The following FHIT variants were observed in gnomAD, a reference collection of about 807,000 sequenced individuals.
FHIT encodes the protein bis(5'-adenosyl)-triphosphatase.
FHIT carries 19 observed loss-of-function variants against 17.9 expected under a neutral mutation model. That is an observed-to-expected ratio of 1.06 (90% CI 0.74 to 1.56). The LOEUF is 1.56. FHIT is among the 40% of genes most tolerant of loss of function. The pLI is 0.00. For missense variants in FHIT, 248 were observed against 189.2 expected (o/e 1.31, Z -1.82); for synonymous variants, 81 against 69.7 (o/e 1.16, Z -0.81).
intron 4 of FHIT, among the ~76,000 whole-genome samples, chr3:60,573,496 T>A (rs1391914214): frequency 3.9e-5 from 6 of 152,132 alleles, no homozygotes; most frequent in African/African-American, 1.2e-4. Flanking sequence ...AGGACTTTCA[T>A]CCCTTCCCAA....
intron 1 of FHIT, among the ~76,000 whole-genome samples, chr3:61,221,171 A>G (rs2039826650): frequency 6.6e-6 from 1 of 152,228 alleles, no homozygotes; most frequent in Admixed American, 6.5e-5. Context: ...TGCCACCCCA[A>G]CAGGACTGGA....
chr3:60,277,435 C>A (rs1707203129), intron 5 of FHIT, among the ~76,000 whole-genome samples: 1 of 152,130 alleles, frequency 6.6e-6, no homozygotes, highest in African/African-American at 2.4e-5. Flanking sequence ...AGCAGTTGTG[C>A]CAATAAGAAA....
At chr3:59,962,095 T>C (rs941780668) in intron 7 of FHIT, among the ~76,000 whole-genome samples, 23 of 152,194 alleles carry the variant, frequency 1.5e-4, no homozygotes, top group African/African-American at 7.2e-5. Flanking sequence ...AGATGTTCCA[T>C]TGGAAGACTT....
intron 3 of FHIT, among the ~76,000 whole-genome samples, chr3:60,873,964 T>A (rs1003063615): frequency 4.6e-5 from 7 of 152,138 alleles, no homozygotes; most frequent in African/African-American, 1.4e-4. Flanking sequence ...ATAGTAAAAA[T>A]AAAATATCAC....
rs1040452245 is a variant in FHIT, at chr3:60,267,520, A to G, written c.104-253368T>C. On this transcript the variant is annotated intron_variant, in intron 5 of 9. Transcript: ENST00000492590. Reference sequence around the variant, plus strand: ...GTAAAGTATTTAACTTTGTTCTCAAATAAGCAAAATTCCTCAAAAGATGCA... The same window carrying G: ...GTAAAGTATTTAACTTTGTTCTCAAGTAAGCAAAATTCCTCAAAAGATGCA... 2.0e-5 allele frequency among the ~76,000 whole-genome samples: 3 copies of G among 152,220 alleles called. No individual in the cohort carries two copies. The East Asian group carries it at 5.8e-4, about 29-fold the overall frequency.
At chr3:59,934,030 A>G (rs1706103502) in intron 7 of FHIT, among the ~76,000 whole-genome samples, 2 of 152,072 alleles carry the variant, frequency 1.3e-5, no homozygotes, top group African/African-American at 2.4e-5. Flanking sequence ...AAAAAACCTC[A>G]AGCATGCTAG....
intron 5 of FHIT, among the ~76,000 whole-genome samples, chr3:60,079,967 A>G (rs893420310): frequency 1.3e-5 from 2 of 152,170 alleles, no homozygotes; most frequent in African/African-American, 4.8e-5. Flanking sequence ...ATATGTTGTA[A>G]ATATTATAAA....
At chr3:61,051,311 T>C (rs6794099) in intron 2 of FHIT, among the ~76,000 whole-genome samples, 24,196 of 152,034 alleles carry the variant, frequency 0.16, 2,111 homozygotes, top group African/African-American at 0.2. Flanking sequence ...CAATCCCTCG[T>C]CCAGACTGGA....
intron 8 of FHIT, among the ~76,000 whole-genome samples, chr3:59,862,647 C>G (rs1702459174): frequency 6.6e-6 from 1 of 152,122 alleles, no homozygotes; most frequent in African/African-American, 2.4e-5. Context: ...CTAAAGCAAA[C>G]CCTGAAGACA....
At chr3:61,176,465 T>C (rs145714592) in intron 2 of FHIT, among the ~76,000 whole-genome samples, 78 of 152,360 alleles carry the variant, frequency 5.1e-4, no homozygotes, top group Non-Finnish European at 8.5e-4. Context: ...ATTTTTCTAA[T>C]GAATCTTTCA....
chr3:60,145,602 G>A lies in FHIT; in HGVS notation c.104-131450C>T, dbSNP rs80079059. On this transcript the variant is annotated intron_variant, in intron 5 of 9. Transcript: ENST00000492590. ...CAAATATTCATCATTTATCAGCAAC[G>A]GAAACAAACATAGGATTCACATGTG... 5.3e-5 allele frequency among the ~76,000 whole-genome samples: 8 copies of A among 152,182 alleles called. No individual in the cohort carries two copies. In the East Asian group the frequency reaches 7.7e-4, roughly 15 times the overall value.
At chr3:60,765,570 A>G (rs1263284992) in intron 4 of FHIT, 2 of 152,218 alleles carry the variant, frequency 1.3e-5, no homozygotes, top group Non-Finnish European at 2.9e-5. Context: ...GTACCTTGTC[A>G]CAGAGAGAAA....
At chr3:60,945,874 T>C (rs1708619493) in intron 3 of FHIT, among the ~76,000 whole-genome samples, 1 of 152,182 alleles carries the variant, frequency 6.6e-6, no homozygotes, top group South Asian at 2.1e-4. Flanking sequence ...TAAAATAGTT[T>C]TCTCAGAAAG....
chr3:60,708,852 T>A (rs2041442648), intron 4 of FHIT, among the ~76,000 whole-genome samples: 1 of 152,172 alleles, frequency 6.6e-6, no homozygotes, highest in African/African-American at 2.4e-5. Flanking sequence ...GCTGAACTTT[T>A]AATGTGCTAT....
At chr3:60,201,580 TAGAA>T (rs1362150253) in intron 5 of FHIT, among the ~76,000 whole-genome samples, 1 of 152,098 alleles carries the variant, frequency 6.6e-6, no homozygotes, top group African/African-American at 2.4e-5. Context: ...AAGGGCCATC[TAGAA>T]AGAAACAGAA....
At chr3:59,988,433 T>G (rs551441211) in intron 7 of FHIT, among the ~76,000 whole-genome samples, 4 of 152,266 alleles carry the variant, frequency 2.6e-5, no homozygotes, top group Admixed American at 1.3e-4. Context: ...AAACATTTTC[T>G]TTTTAAATAA....
At chr3:59,758,264 C>T (rs951665977) in intron 8 of FHIT, among the ~76,000 whole-genome samples, 1 of 152,214 alleles carries the variant, frequency 6.6e-6, no homozygotes, top group African/African-American at 2.4e-5. Context: ...AGCAAGGCAA[C>T]TTGTACCCAT....
chr3:61,214,789 C>T (rs1163455389), intron 1 of FHIT, among the ~76,000 whole-genome samples: 12 of 152,224 alleles, frequency 7.9e-5, no homozygotes, highest in Non-Finnish European at 1.5e-5. Context: ...TCCAGCAGCA[C>T]ATCACAAAGC....
In FHIT at chr3:60,152,745, AC is replaced by A. The variant is rs78245427; in HGVS notation, c.104-138594del. 2.5e-3 allele frequency among the ~76,000 whole-genome samples: 386 copies of A among 152,244 alleles called. 15 individuals are homozygous for A. In the East Asian group the frequency reaches 0.061, roughly 24 times the overall value. ...AACCTATACCATCTGGGCTTTCCGT[AC>A]CCCACCAGCAGGGTGTAAGAATGCC... On this transcript the variant is annotated intron_variant, in intron 5 of 9. Coordinates refer to ENST00000492590, the MANE Select transcript of FHIT (RefSeq NM_002012.4).
Sources: gnomAD v4.1 joint callset for allele counts (sites outside exome capture counted in the v4.1 genomes callset) on GRCh38, gnomAD v4.1.1 for gene constraint, MANE v1.5 for transcripts, NCBI Gene and HGNC (gene_info 2026-07-23, HGNC 2026-07-21) for gene names.